Variants in SLIT2 observed in about 807,000 individuals in gnomAD.
SLIT2 encodes slit guidance ligand 2, also known as slit homolog 2 protein.
SLIT2 carries 41 observed loss-of-function variants against 185.7 expected under a neutral mutation model. That is an observed-to-expected ratio of 0.22 (90% CI 0.17 to 0.29). SLIT2 has a LOEUF of 0.29. SLIT2 is among the 10% of genes least tolerant of loss of function. SLIT2 has a pLI of 1.00. For synonymous variants in SLIT2, 693 were observed against 680.2 expected (o/e 1.02, Z -0.29); for missense variants, 1,571 against 1,909.0 (o/e 0.82, Z 3.30).
At chr4:20,509,377 AT>A (rs1228302606) in intron 9 of SLIT2, among the ~76,000 whole-genome samples, 1 of 152,058 alleles carries the variant, frequency 6.6e-6, no homozygotes, top group African/African-American at 2.4e-5. Flanking sequence ...AGAAGCTGGT[AT>A]TTTATAAAAT....
chr4:20,490,101 A>G (rs1168882868), intron 8 of SLIT2: 2 of 152,216 alleles, frequency 1.3e-5, no homozygotes, highest in African/African-American at 4.8e-5. Context: ...AAATAAATAA[A>G]TCAATAAAAT....
intron 4 of SLIT2, among the ~76,000 whole-genome samples, chr4:20,437,854 G>T (rs1479395561): frequency 1.4e-5 from 2 of 144,970 alleles, no homozygotes; most frequent in African/African-American, 5.2e-5. Flanking sequence ...GGCAGAGCTT[G>T]CAGTGAGCTG....
At chr4:20,352,212 A>G (rs1721940407) in intron 4 of SLIT2, among the ~76,000 whole-genome samples, 1 of 152,216 alleles carries the variant, frequency 6.6e-6, no homozygotes, top group Non-Finnish European at 1.5e-5. Flanking sequence ...ACTTAAAATC[A>G]TCACTGTAAC....
At chr4:20,453,057 A>G (rs1188713870) in intron 4 of SLIT2, among the ~76,000 whole-genome samples, 1 of 152,228 alleles carries the variant, frequency 6.6e-6, no homozygotes, top group Non-Finnish European at 1.5e-5. Flanking sequence ...CTAGCTGCAT[A>G]ATCAAGGGTG....
chr4:20,282,821 A>G (rs899199044), intron 4 of SLIT2, among the ~76,000 whole-genome samples: 1 of 152,184 alleles, frequency 6.6e-6, no homozygotes. Context: ...TTTCCAATGA[A>G]TAGTTACTTT....
intron 4 of SLIT2, among the ~76,000 whole-genome samples, chr4:20,444,621 G>A (rs1261832519): frequency 1.3e-5 from 2 of 152,216 alleles, no homozygotes; most frequent in African/African-American, 2.4e-5. Context: ...TAGTAATGCA[G>A]CAGTGGATAG....
intron 4 of SLIT2, among the ~76,000 whole-genome samples, chr4:20,315,816 C>G (rs142328909): frequency 2.0e-5 from 3 of 151,980 alleles, no homozygotes; most frequent in Admixed American, 6.6e-5. Flanking sequence ...ATTGAGAATT[C>G]TATAGCCATG....
chr4:20,537,665 T>C (rs979561174), intron 18 of SLIT2, among the ~76,000 whole-genome samples: 2 of 152,144 alleles, frequency 1.3e-5, no homozygotes, highest in African/African-American at 2.4e-5. Flanking sequence ...TCTAGTTAGG[T>C]TTCAACAAGC....
chr4:20,344,458 T>C (rs1577470247), intron 4 of SLIT2, among the ~76,000 whole-genome samples: 1 of 152,184 alleles, frequency 6.6e-6, no homozygotes, highest in Non-Finnish European at 1.5e-5. Flanking sequence ...CTCTCTGTCT[T>C]TCTGCCTGCA....
chr4:20,320,323 G>A (rs1046121891), intron 4 of SLIT2, among the ~76,000 whole-genome samples: 1 of 152,106 alleles, frequency 6.6e-6, no homozygotes, highest in East Asian at 1.9e-4. Context: ...TCATTTAGCA[G>A]ACAGAAACAA....
intron 4 of SLIT2, among the ~76,000 whole-genome samples, chr4:20,313,621 G>A (rs910377754): frequency 2.0e-5 from 3 of 151,948 alleles, no homozygotes; most frequent in African/African-American, 7.3e-5. Context: ...TTAAAGCGGT[G>A]GTCCCCAACC....
intron 4 of SLIT2, among the ~76,000 whole-genome samples, chr4:20,434,205 A>C (rs1383971895): frequency 3.3e-5 from 5 of 151,972 alleles, no homozygotes; most frequent in African/African-American, 1.2e-4. Flanking sequence ...ATGGGGAAGG[A>C]GGCTGGGCGT....
At chr4:20,473,904 T>A (rs978711718) in intron 5 of SLIT2, among the ~76,000 whole-genome samples, 3 of 152,046 alleles carry the variant, frequency 2.0e-5, no homozygotes, top group African/African-American at 4.8e-5. Flanking sequence ...CAAAATGTCT[T>A]CTTTAATCTG....
intron 4 of SLIT2, among the ~76,000 whole-genome samples, chr4:20,382,061 A>C (rs2109344418): frequency 6.6e-6 from 1 of 152,234 alleles, no homozygotes. Flanking sequence ...TTATCCCAAA[A>C]ATGCAAGGTT....
intron 4 of SLIT2, among the ~76,000 whole-genome samples, chr4:20,417,424 A>G (rs1727766836): frequency 2.9e-5 from 4 of 137,472 alleles, no homozygotes. Context: ...AATCATATAT[A>G]TATGTGTGTG....
chr4:20,306,484 T>C (rs1221960620), intron 4 of SLIT2, among the ~76,000 whole-genome samples: 2 of 152,160 alleles, frequency 1.3e-5, no homozygotes, highest in Non-Finnish European at 2.9e-5. Flanking sequence ...TTTTGTATAA[T>C]TTGGCTTGAA....
At chr4:20,519,091 A>T (rs1039475887) in intron 11 of SLIT2, among the ~76,000 whole-genome samples, 3 of 152,138 alleles carry the variant, frequency 2.0e-5, no homozygotes, top group Non-Finnish European at 4.4e-5. Context: ...TGTGAGTAGA[A>T]AAACAACTTA....
At chr4:20,518,587 A>ATTTTTTT (rs71181568) in intron 11 of SLIT2, among the ~76,000 whole-genome samples, 1 of 17,860 alleles carries the variant, frequency 5.6e-5, no homozygotes, top group Non-Finnish European at 9.0e-5. Context: ...ATATATATAT[A>ATTTTTTT]TTTTTTTTTT....
Position 20,472,332 on chromosome 4 carries a change from A to AGATATC in SLIT2, c.467+4509_467+4510insGATATC, listed in dbSNP as rs1318266499. 3.4e-4 allele frequency among the ~76,000 whole-genome samples: 26 copies of AGATATC among 75,566 alleles called. 2 individuals carry two copies. The highest frequency in any genetic ancestry group is 4.0e-4 in the Non-Finnish European group (17 of 42,346). The allele number at this position is 75,566 out of a possible 152,430, so 49.6% of individuals were successfully genotyped here. On this transcript the variant is annotated intron_variant, in intron 5 of 36. Coordinates refer to ENST00000504154, the MANE Select transcript of SLIT2 (RefSeq NM_004787.4). ...TATATATAGATATATATATCTATAT[A>AGATATC]TAGATCTATATATAGATATAGATAT...
Sources: allele counts gnomAD v4.1 joint callset (sites outside exome capture counted in the v4.1 genomes callset), GRCh38; gene constraint gnomAD v4.1.1; transcripts MANE v1.5; gene names NCBI Gene and HGNC (gene_info 2026-07-23, HGNC 2026-07-21).